Variants in RBFOX1 observed in about 807,000 individuals in gnomAD.
RBFOX1 encodes RNA binding fox-1 homolog 1, also known as RNA binding protein fox-1 homolog 1.
A neutral mutation model predicts 57.7 loss-of-function variants in RBFOX1; 8 were observed. That is an observed-to-expected ratio of 0.14 (90% CI 0.08 to 0.25). The LOEUF (loss-of-function observed/expected upper bound fraction) is 0.25, where lower values mean the gene tolerates loss of function less well. RBFOX1 is among the 10% of genes least tolerant of loss of function. The pLI, the probability that RBFOX1 is intolerant of heterozygous loss-of-function variation, is 1.00. For synonymous variants in RBFOX1, 326 were observed against 222.4 expected (o/e 1.47, Z -4.15); for missense variants, 611 against 548.5 (o/e 1.11, Z -1.14).
At chr16:6,823,627 C>T (rs1024272608) in intron 3 of RBFOX1, among the ~76,000 whole-genome samples, 1 of 152,146 alleles carries the variant, frequency 6.6e-6, no homozygotes, top group African/African-American at 2.4e-5. Context: ...GTTTTCCTCC[C>T]TTGATTTTGA....
chr16:7,427,370 G>C (rs1027598293), intron 4 of RBFOX1, among the ~76,000 whole-genome samples: 1 of 152,180 alleles, frequency 6.6e-6, no homozygotes, highest in Admixed American at 6.5e-5. Context: ...TGCTGATGCT[G>C]CTGGTCTGAG....
At chr16:6,491,008 A>G (rs2095619866) in intron 2 of RBFOX1, among the ~76,000 whole-genome samples, 1 of 152,152 alleles carries the variant, frequency 6.6e-6, no homozygotes. Context: ...TCAGTGGGAA[A>G]ATAAATGAGA....
Position 6,360,922 on chromosome 16 carries a change from A to T in RBFOX1, c.-64+43865A>T, listed in dbSNP as rs187864555. 3.3e-3 allele frequency among the ~76,000 whole-genome samples: 497 copies of T among 151,018 alleles called. 1 individual carries two copies. Among genetic ancestry groups the T allele is most frequent in the African/African-American group, 0.011 (465 of 40,628 alleles). The stretch of plus-strand genomic sequence containing the variant: ...GTTTGAGCCGAAGACCGTTATCTTT[A>T]CTTCAGGGGTGGTCCTTTCACATCT... On this transcript the variant is annotated intron_variant, in intron 2 of 15. Transcript: ENST00000550418.
At chr16:6,181,526 C>G (rs972541764) in intron 1 of RBFOX1, among the ~76,000 whole-genome samples, 5 of 152,042 alleles carry the variant, frequency 3.3e-5, no homozygotes, top group Admixed American at 1.3e-4. Flanking sequence ...GCTGGTAGTC[C>G]CAAATATTTT....
intron 3 of RBFOX1, among the ~76,000 whole-genome samples, chr16:6,877,185 C>G (rs566997233): frequency 6.6e-6 from 1 of 152,102 alleles, no homozygotes. Context: ...TTTCTGCAGC[C>G]GTTACATTTA....
At chr16:5,428,884 C>T (rs949934164) in intron 1 of RBFOX1, among the ~76,000 whole-genome samples, 1 of 152,056 alleles carries the variant, frequency 6.6e-6, no homozygotes, top group African/African-American at 2.4e-5. Flanking sequence ...ATAGGACAGT[C>T]ACTGTTTTGT....
At chr16:5,962,529 C>G (rs559666612) in intron 4 of RBFOX1, among the ~76,000 whole-genome samples, 2 of 152,264 alleles carry the variant, frequency 1.3e-5, no homozygotes, top group African/African-American at 4.8e-5. Context: ...CCTAAAATGT[C>G]TTTACTCCTT....
In RBFOX1 at chr16:5,343,670, T is replaced by C. The variant is rs28384186; in HGVS notation, c.219+103565T>C. Among the ~76,000 whole-genome samples the C allele has an allele frequency of 4.0e-3, 611 of 152,310 alleles. 4 individuals are homozygous for C. Among genetic ancestry groups the C allele is most frequent in the African/African-American group, 0.014 (571 of 41,564 alleles). ...TTTTCTTTCAGAAGAATCCCTCTGATACGAATACAATATGGGTGCCAGTTC... is the reference window on the plus strand; with the variant it reads ...TTTTCTTTCAGAAGAATCCCTCTGACACGAATACAATATGGGTGCCAGTTC... On this transcript the variant is annotated intron_variant, in intron 1 of 2. Coordinates refer to the RBFOX1 transcript ENST00000585867.
At chr16:6,119,820 C>T (rs2096535209) in intron 1 of RBFOX1, among the ~76,000 whole-genome samples, 1 of 152,180 alleles carries the variant, frequency 6.6e-6, no homozygotes, top group Non-Finnish European at 1.5e-5. Flanking sequence ...TTTTAGAGTG[C>T]ACATTTCAGT....
At chr16:5,385,628 G>C (rs1345795548) in intron 1 of RBFOX1, among the ~76,000 whole-genome samples, 1 of 152,162 alleles carries the variant, frequency 6.6e-6, no homozygotes, top group African/African-American at 2.4e-5. Flanking sequence ...GGTCATTACA[G>C]AATTTGCCGG....
At chr16:6,876,592 T>C (rs1475978056) in intron 3 of RBFOX1, among the ~76,000 whole-genome samples, 3 of 152,182 alleles carry the variant, frequency 2.0e-5, no homozygotes, top group Admixed American at 6.5e-5. Flanking sequence ...CCTTGGACTT[T>C]ATGATGCACC....
At chr16:7,076,800 C>T (rs147078236) in intron 4 of RBFOX1, among the ~76,000 whole-genome samples, 82 of 152,252 alleles carry the variant, frequency 5.4e-4, no homozygotes, top group Non-Finnish European at 9.7e-4. Flanking sequence ...GGTTTATATG[C>T]CCACTCATAT....
intron 4 of RBFOX1, among the ~76,000 whole-genome samples, chr16:7,417,359 CGAGACT>C (rs2098489104): frequency 8.0e-6 from 1 of 125,290 alleles, no homozygotes; most frequent in Non-Finnish European, 1.6e-5. Context: ...GGCAACAGAG[CGAGACT>C]CTGTGTCAAA....
chr16:7,347,668 T>TCAG (rs2097041447), intron 4 of RBFOX1, among the ~76,000 whole-genome samples: 2 of 152,102 alleles, frequency 1.3e-5, no homozygotes, highest in Admixed American at 6.5e-5. Context: ...CTACAGAGAC[T>TCAG]ATCAGTCTCT....
chr16:7,534,449 A>G (rs1246032101), intron 5 of RBFOX1, among the ~76,000 whole-genome samples: 4 of 152,052 alleles, frequency 2.6e-5, no homozygotes, highest in Admixed American at 2.6e-4. Context: ...ATTAACTAAA[A>G]TAGGCAACTG....
At chr16:6,087,887 G>C (rs950471446) in intron 1 of RBFOX1, among the ~76,000 whole-genome samples, 1 of 152,146 alleles carries the variant, frequency 6.6e-6, no homozygotes, top group African/African-American at 2.4e-5. Context: ...TCTTGACCTT[G>C]TGATCCACCT....
chr16:6,711,516 T>G (rs544131447), intron 3 of RBFOX1, among the ~76,000 whole-genome samples: 2 of 152,222 alleles, frequency 1.3e-5, no homozygotes, highest in African/African-American at 4.8e-5. Context: ...AGAGAGTGAG[T>G]TCTCACAACA....
intron 3 of RBFOX1, among the ~76,000 whole-genome samples, chr16:6,656,841 C>A (rs1603053044): frequency 6.6e-6 from 1 of 151,528 alleles, no homozygotes; most frequent in African/African-American, 2.4e-5. Flanking sequence ...TCTCTAAGGA[C>A]TTTTTTTAAA....
intron 3 of RBFOX1, among the ~76,000 whole-genome samples, chr16:6,859,799 C>A (rs576675539): frequency 1.3e-5 from 2 of 151,346 alleles, no homozygotes; most frequent in African/African-American, 2.4e-5. Context: ...GGCATTGATA[C>A]AAGTATATTT....
Sources: allele counts gnomAD v4.1 joint callset (sites outside exome capture counted in the v4.1 genomes callset), GRCh38; gene constraint gnomAD v4.1.1; transcripts MANE v1.5; gene names NCBI Gene and HGNC (gene_info 2026-07-23, HGNC 2026-07-21).